Variants in SYT9 observed in about 807,000 individuals in gnomAD.
SYT9 encodes the protein synaptotagmin 9, also known as synaptotagmin-9.
A neutral mutation model predicts 48.4 loss-of-function variants in SYT9; 22 were observed. That is an observed-to-expected ratio of 0.45 (90% confidence interval 0.32 to 0.65). SYT9 has a LOEUF of 0.65. Ranked by LOEUF, SYT9 falls within the 30% of genes least tolerant of loss-of-function variation. The probability of loss-of-function intolerance (pLI) is 0.03; values close to 1 mark genes in which losing one functional copy is unlikely to be tolerated. For missense variants in SYT9, 577 were observed against 622.0 expected, an observed-to-expected ratio of 0.93 and a Z score of 0.77; for synonymous variants, 265 against 245.0, an observed-to-expected ratio of 1.08 and a Z score of -0.76.
intron 6 of SYT9, chr11:7,457,535 A>G (rs1848169981): frequency 6.6e-6 from 1 of 152,200 alleles, no homozygotes; most frequent in Non-Finnish European, 1.5e-5. Context: ...CTATCTTACA[A>G]CTTGTAAAAT....
At chr11:7,241,248 A>ACCC (rs5789505) in intron 1 of SYT9, among the ~76,000 whole-genome samples, 5 of 147,280 alleles carry the variant, frequency 3.4e-5, no homozygotes, top group African/African-American at 1.3e-4. Flanking sequence ...GCACACACTC[A>ACCC]CCCCCCCCAC....
At chr11:7,338,649 T>TG (rs144036361) in intron 3 of SYT9, among the ~76,000 whole-genome samples, 1,658 of 151,892 alleles carry the variant, frequency 0.011, 28 homozygotes, top group African/African-American at 0.038. Context: ...TCCATGTAAT[T>TG]GCATGGTTTT....
chr11:7,317,709 A>C (rs1849266240), intron 3 of SYT9, among the ~76,000 whole-genome samples: 1 of 152,092 alleles, frequency 6.6e-6, no homozygotes, highest in Admixed American at 6.5e-5. Context: ...ATGGGCAAAA[A>C]ATTTTCTGGC....
intron 3 of SYT9, among the ~76,000 whole-genome samples, chr11:7,415,651 T>C (rs1282967952): frequency 6.6e-6 from 1 of 151,974 alleles, no homozygotes; most frequent in Non-Finnish European, 1.5e-5. Flanking sequence ...CTGTGTGCAT[T>C]GTAGTAGTGA....
intron 3 of SYT9, among the ~76,000 whole-genome samples, chr11:7,337,848 T>G (rs1849654147): frequency 6.6e-6 from 1 of 152,150 alleles, no homozygotes; most frequent in African/African-American, 2.4e-5. Flanking sequence ...TCTGCCAGGC[T>G]TTGATATCAG....
chr11:7,391,729 C>T (rs1184426651), intron 3 of SYT9, among the ~76,000 whole-genome samples: 2 of 64,788 alleles, frequency 3.1e-5, no homozygotes, highest in Non-Finnish European at 6.3e-5. Flanking sequence ...GGTAAAACCC[C>T]ATCTCTAAAA....
At chr11:7,431,257 A>T (rs1053640867) in intron 6 of SYT9, among the ~76,000 whole-genome samples, 16 of 152,286 alleles carry the variant, frequency 1.1e-4, no homozygotes, top group African/African-American at 3.8e-4. Flanking sequence ...TACCTTAGGG[A>T]TTTGTGGGAG....
rs1850616850 is a variant in SYT9, at chr11:7,384,228, CT to C, written c.1045-31808del. ...CCATGTATGTCTCTGTGGTTACATT[CT>C]TTTTTCCTCCCAGGAGTTGGTAATT... is the stretch of plus-strand genomic sequence containing the variant. On this transcript the variant is annotated intron_variant, in intron 3 of 6. Coordinates refer to ENST00000318881, the MANE Select transcript of SYT9 (RefSeq NM_175733.4). Among the ~76,000 whole-genome samples the C allele has an allele frequency of 3.9e-5, 6 of 152,064 alleles. No homozygotes were observed. The South Asian group carries it at 1.0e-3, about 26-fold the overall frequency.
chr11:7,287,877 A>G (rs1023938632), intron 1 of SYT9, among the ~76,000 whole-genome samples: 1 of 152,206 alleles, frequency 6.6e-6, no homozygotes, highest in African/African-American at 2.4e-5. Context: ...GAATTTATGA[A>G]AAGACAACCA....
chr11:7,329,046 C>T (rs1409450984), intron 3 of SYT9, among the ~76,000 whole-genome samples: 1 of 152,094 alleles, frequency 6.6e-6, no homozygotes, highest in South Asian at 2.1e-4. Flanking sequence ...TATTGTTTAT[C>T]TTTCTTAGGA....
At chr11:7,343,218 C>T (rs561358417) in intron 3 of SYT9, among the ~76,000 whole-genome samples, 7 of 152,238 alleles carry the variant, frequency 4.6e-5, no homozygotes, top group Admixed American at 4.6e-4. Flanking sequence ...ATTTCTACAG[C>T]AGGCTTGAAT....
chr11:7,337,460 T>C (rs1320054237), intron 3 of SYT9, among the ~76,000 whole-genome samples: 1 of 152,174 alleles, frequency 6.6e-6, no homozygotes, highest in Non-Finnish European at 1.5e-5. Flanking sequence ...AAGGGAATGC[T>C]TCCAGTTTTT....
intron 3 of SYT9, among the ~76,000 whole-genome samples, chr11:7,367,477 T>C (rs7930845): frequency 0.25 from 38,354 of 151,894 alleles, 6,217 homozygotes; most frequent in East Asian, 0.64. Flanking sequence ...TTTTCTGTTA[T>C]CATAATTTCA....
chr11:7,282,722 G>A (rs901084119), intron 1 of SYT9, among the ~76,000 whole-genome samples: 1 of 152,110 alleles, frequency 6.6e-6, no homozygotes. Context: ...GTGCTGTCCT[G>A]TGCTTTCTGG....
chr11:7,280,337 A>G (rs1016024441), intron 1 of SYT9, among the ~76,000 whole-genome samples: 5 of 152,268 alleles, frequency 3.3e-5, no homozygotes, highest in Admixed American at 1.3e-4. Context: ...CTTCATTTAT[A>G]TGAACAAGTA....
chr11:7,433,372 GGATTAA>G (rs1221714560), intron 6 of SYT9, among the ~76,000 whole-genome samples: 1 of 152,040 alleles, frequency 6.6e-6, no homozygotes, highest in African/African-American at 2.4e-5. Flanking sequence ...CCATCCAAAG[GGATTAA>G]GATTGACTAT....
At chr11:7,330,547 C>T (rs1026514457) in intron 3 of SYT9, among the ~76,000 whole-genome samples, 4 of 151,898 alleles carry the variant, frequency 2.6e-5, no homozygotes, top group African/African-American at 9.7e-5. Flanking sequence ...GAGTGACCGT[C>T]GAGTTTGAAG....
intron 3 of SYT9, chr11:7,314,176 T>C: frequency 1.5e-6 from 1 of 658,474 alleles, no homozygotes; most frequent in Non-Finnish European, 2.8e-6. Context: ...CTCTCTTTTC[T>C]ACTTTCAGAT....
At position 7,384,062 on chromosome 11, in the gene SYT9, C is replaced by CCACA. The variant is rs3086255; in HGVS notation, c.1045-31952_1045-31949dup. Among the ~76,000 whole-genome samples the CCACA allele has an allele frequency of 2.4e-3, 363 of 149,618 alleles. 1 individual carries two copies. The highest frequency in any genetic ancestry group is 0.014 in the East Asian group (69 of 5,102). On this transcript the variant is annotated intron_variant, in intron 3 of 6. Coordinates refer to ENST00000318881, the MANE Select transcript of SYT9 (RefSeq NM_175733.4). ...AAGATTTAGCTCTTAAATTCACTAG[C>CCACA]CACACACACACACACACACACACAC...
Sources: allele counts gnomAD v4.1 joint callset (sites outside exome capture counted in the v4.1 genomes callset), GRCh38; gene constraint gnomAD v4.1.1; transcripts MANE v1.5; gene names NCBI Gene and HGNC (gene_info 2026-07-23, HGNC 2026-07-21).